The following WWC2 variants were observed in gnomAD, a reference collection of about 807,000 sequenced individuals.
WWC2 encodes the protein WW and C2 domain containing 2, also known as protein WWC2.
A neutral mutation model predicts 138.5 loss-of-function variants in WWC2; 101 were observed. The ratio of observed to expected loss-of-function variants is 0.73; its 90% CI spans 0.62 to 0.86. The LOEUF (loss-of-function observed/expected upper bound fraction) is 0.86, where lower values mean the gene tolerates loss of function less well. WWC2 is among the 40% of genes least tolerant of loss of function. The probability of loss-of-function intolerance (pLI) is 0.00; values close to 1 mark genes in which losing one functional copy is unlikely to be tolerated. For missense variants in WWC2, 1,420 were observed against 1,419.4 expected (o/e 1.00, Z -0.01); for synonymous variants, 558 against 538.4 (o/e 1.04, Z -0.50).
At chr4:183,153,745 A>G (rs139436775) in intron 1 of WWC2, among the ~76,000 whole-genome samples, 1,667 of 149,588 alleles carry the variant, frequency 0.011, 32 homozygotes, top group African/African-American at 0.039. Flanking sequence ...TCCTGGGCTC[A>G]AGTGATCTTC....
intron 7 of WWC2, among the ~76,000 whole-genome samples, chr4:183,249,318 T>C (rs1268693428): frequency 6.6e-6 from 1 of 152,244 alleles, no homozygotes; most frequent in African/African-American, 2.4e-5. Context: ...ATTTAAATAT[T>C]TAATGTGGCT....
intron 1 of WWC2, among the ~76,000 whole-genome samples, chr4:183,137,777 G>C (rs946965204): frequency 6.6e-6 from 1 of 152,168 alleles, no homozygotes; most frequent in Non-Finnish European, 1.5e-5. Context: ...GGGTTTACAG[G>C]TGTGAGCCAC....
intron 1 of WWC2, among the ~76,000 whole-genome samples, chr4:183,147,032 T>C (rs984745129): frequency 7.9e-5 from 12 of 152,168 alleles, no homozygotes; most frequent in African/African-American, 2.9e-4. Context: ...CTTCAGAGAT[T>C]TGGATTTATA....
At chr4:183,246,595 T>C (rs1462407452) in intron 6 of WWC2, among the ~76,000 whole-genome samples, 2 of 152,338 alleles carry the variant, frequency 1.3e-5, no homozygotes, top group African/African-American at 4.8e-5. Context: ...TGCATATAAA[T>C]AATTCCCTTG....
chr4:183,292,600 A>G (rs1738493116), intron 21 of WWC2, among the ~76,000 whole-genome samples: 1 of 148,980 alleles, frequency 6.7e-6, no homozygotes, highest in Non-Finnish European at 1.5e-5. Context: ...AAAATCCTAT[A>G]ACTCTTTAAA....
chr4:183,202,682 G>C (rs1735334993), intron 2 of WWC2, among the ~76,000 whole-genome samples: 1 of 152,040 alleles, frequency 6.6e-6, no homozygotes, highest in Non-Finnish European at 1.5e-5. Context: ...TTGAGGGGAA[G>C]TGTTGAGCAT....
chr4:183,189,693 C>G (rs1408331997), intron 1 of WWC2, among the ~76,000 whole-genome samples: 1 of 152,172 alleles, frequency 6.6e-6, no homozygotes, highest in Non-Finnish European at 1.5e-5. Flanking sequence ...GCAGATGCTA[C>G]AAAGTAAAAA....
intron 1 of WWC2, among the ~76,000 whole-genome samples, chr4:183,184,973 C>T (rs1400215378): frequency 6.6e-6 from 1 of 152,140 alleles, no homozygotes; most frequent in Non-Finnish European, 1.5e-5. Flanking sequence ...TTATTTTTAA[C>T]TTGAGCTTGT....
At chr4:183,134,511 TA>T (rs1245615581) in intron 1 of WWC2, among the ~76,000 whole-genome samples, 1 of 152,210 alleles carries the variant, frequency 6.6e-6, no homozygotes, top group Non-Finnish European at 1.5e-5. Flanking sequence ...CTTTTACCCC[TA>T]ACTATTTAGA....
chr4:183,290,890 G>A (rs554289790), intron 21 of WWC2, among the ~76,000 whole-genome samples: 14 of 152,294 alleles, frequency 9.2e-5, no homozygotes, highest in South Asian at 2.1e-4. Context: ...AGTGTGAATC[G>A]TCCAGCTGAC....
chr4:183,099,864 C>T (rs958831785), intron 1 of WWC2, among the ~76,000 whole-genome samples: 3 of 152,140 alleles, frequency 2.0e-5, no homozygotes, highest in African/African-American at 7.2e-5. Flanking sequence ...GTCGCTGCCC[C>T]GGGCCGACGC....
intron 20 of WWC2, among the ~76,000 whole-genome samples, chr4:183,288,866 C>A (rs1738339237): frequency 6.6e-6 from 1 of 152,166 alleles, no homozygotes; most frequent in African/African-American, 2.4e-5. Context: ...TTCAGGCTGA[C>A]TGTCATGGAC....
intron 1 of WWC2, among the ~76,000 whole-genome samples, chr4:183,183,441 A>C (rs1326695723): frequency 6.6e-6 from 1 of 152,156 alleles, no homozygotes. Context: ...AATGAATGAA[A>C]GTAGCTGATG....
chr4:183,192,369 G>T (rs533742984), intron 1 of WWC2, among the ~76,000 whole-genome samples: 2 of 152,184 alleles, frequency 1.3e-5, no homozygotes, highest in Non-Finnish European at 2.9e-5. Context: ...GGTAGAGCAG[G>T]TTACCCTCAT....
intron 19 of WWC2, among the ~76,000 whole-genome samples, chr4:183,285,759 C>CAA (rs1016659148): frequency 1.4e-5 from 2 of 143,910 alleles, no homozygotes; most frequent in South Asian, 4.4e-4. Context: ...GACTCTGTCT[C>CAA]AAAAAAAAAA....
In WWC2 at chr4:183,220,784, A is replaced by G. The variant is rs193080118; in HGVS notation, c.522+11759A>G. Among the ~76,000 whole-genome samples the G allele has an allele frequency of 4.9e-4, 74 of 152,110 alleles. No homozygotes were observed. The East Asian group carries it at 0.012, about 25-fold the overall frequency. ...GGGAGGCGGAGCTTGCAGTGAGCCA[A>G]CATCGTGCCACTGCACCCCAGCCTG... On this transcript the variant is annotated intron_variant, in intron 4 of 22. Transcript: ENST00000403733.
At chr4:183,118,472 G>A (rs1309605745) in intron 1 of WWC2, among the ~76,000 whole-genome samples, 1 of 151,928 alleles carries the variant, frequency 6.6e-6, no homozygotes, top group Non-Finnish European at 1.5e-5. Flanking sequence ...TTCTACATTT[G>A]ACTTGGTTTG....
At chr4:183,166,379 G>A (rs1414218576) in intron 1 of WWC2, among the ~76,000 whole-genome samples, 1 of 152,090 alleles carries the variant, frequency 6.6e-6, no homozygotes, top group Non-Finnish European at 1.5e-5. Flanking sequence ...CTCCTGTGTC[G>A]GCAGAATGTC....
At chr4:183,196,984 G>A (rs1156230109) in intron 2 of WWC2, among the ~76,000 whole-genome samples, 1 of 152,144 alleles carries the variant, frequency 6.6e-6, no homozygotes. Context: ...ACTAAATTGT[G>A]AGCTTCTTAA....
Sources: allele counts gnomAD v4.1 joint callset (sites outside exome capture counted in the v4.1 genomes callset), GRCh38; gene constraint gnomAD v4.1.1; transcripts MANE v1.5; gene names NCBI Gene and HGNC (gene_info 2026-07-23, HGNC 2026-07-21).